Variants in GSTM4 observed in about 807,000 individuals in gnomAD.
GSTM4 encodes the protein GST class-mu 4.
GSTM4 carries 27 observed loss-of-function variants against 30.1 expected under a neutral mutation model. The observed-to-expected ratio is 0.90, with a 90% confidence interval of 0.66 to 1.24. The LOEUF (loss-of-function observed/expected upper bound fraction) is 1.24, where lower values mean the gene tolerates loss of function less well. GSTM4 is among the 50% of genes most tolerant of loss of function. The probability of loss-of-function intolerance (pLI) is 0.00; values close to 1 mark genes in which losing one functional copy is unlikely to be tolerated. For synonymous variants in GSTM4, 94 were observed against 96.2 expected, an observed-to-expected ratio of 0.98 and a Z score of 0.13; for missense variants, 238 against 272.1, an observed-to-expected ratio of 0.87 and a Z score of 0.88.
At chr1:109,659,373 A>G (rs1652194874) in intron 7 of GSTM4, 1 of 1,479,726 alleles carries the variant, frequency 6.8e-7, no homozygotes. Context: ...TGGGTCCCAG[A>G]GCCAGTGGAG....
At chr1:109,656,460 G>A (rs199539254) in intron 1 of GSTM4, 35 bp downstream of exon 1, 1 of 1,612,944 alleles carries the variant, frequency 6.2e-7, no homozygotes, top group Non-Finnish European at 8.5e-7. Context: ...GGGACCGGGC[G>A]CGTGGGCGGG....
Position 109,657,591 on chromosome 1 carries a change from T to C in GSTM4, c.179T>C (p.Leu60Pro), listed in dbSNP as rs1028937864. Reference sequence around the variant, plus strand: ...TTCCCCGGTTTCCCATCTATCCAGCTGCCCTACTTGATTGATGGGGCTCAC... The same window carrying C: ...TTCCCCGGTTTCCCATCTATCCAGCCGCCCTACTTGATTGATGGGGCTCAC... ...KFKLGLDFPN[L>P]PYLIDGAHKI... The change falls in exon 4 of 8, where the codon CTG becomes CCG. Residue 60 changes from leucine (L) to proline (P), a missense_variant and splice_region_variant. Transcript: ENST00000369836. The C allele has an allele frequency of 1.9e-6, 3 of 1,614,132 alleles. No individual in the cohort carries two copies. Among genetic ancestry groups the C allele is most frequent in the Admixed American group, 1.7e-5 (1 of 60,010 alleles).
intron 7 of GSTM4, chr1:109,659,433 G>A: frequency 7.5e-7 from 1 of 1,340,376 alleles, no homozygotes; most frequent in Non-Finnish European, 9.9e-7. Context: ...GGCAGTCAGG[G>A]CTCTCCCTTT....
downstream of GSTM4, chr1:109,665,426 A>G (rs1647283891): frequency 4.6e-6 from 1 of 219,466 alleles, no homozygotes; most frequent in African/African-American, 2.3e-5. Flanking sequence ...GGACTTCTTC[A>G]CTCCAAAATT....
chr1:109,665,171 A>G (rs1647275633), downstream of GSTM4: 1 of 717,842 alleles, frequency 1.4e-6, no homozygotes, highest in East Asian at 2.6e-5. Context: ...GCAATGAAGG[A>G]GGCATCCACC....
At chr1:109,667,222 A>C (rs1400813225), downstream of GSTM4, among the ~76,000 whole-genome samples, 1 of 151,410 alleles carries the variant, frequency 6.6e-6, no homozygotes, top group Non-Finnish European at 1.5e-5. Flanking sequence ...ATCATAATAT[A>C]ACTCATGTAG....
chr1:109,663,436 G>A (rs1217203320), downstream of GSTM4, among the ~76,000 whole-genome samples: 2 of 152,146 alleles, frequency 1.3e-5, no homozygotes, highest in Non-Finnish European at 2.9e-5. Context: ...GGGAGGCCGA[G>A]GCGTGTGGAT....
downstream of GSTM4, among the ~76,000 whole-genome samples, chr1:109,662,739 T>C (rs1004988502): frequency 6.6e-6 from 1 of 152,238 alleles, no homozygotes; most frequent in African/African-American, 2.4e-5. Context: ...TTGAAAGGAC[T>C]GACAATTGCT....
At chr1:109,658,687 C>T in intron 5 of GSTM4, 127 bp from the exon 6 acceptor site, 1 of 734,816 alleles carries the variant, frequency 1.4e-6, no homozygotes, top group Non-Finnish European at 2.5e-6. Context: ...CCAGCTGAAG[C>T]CAGTTCCAGC....
downstream of GSTM4, among the ~76,000 whole-genome samples, chr1:109,666,713 A>T (rs926357474): frequency 6.6e-6 from 1 of 151,532 alleles, no homozygotes; most frequent in Non-Finnish European, 1.5e-5. Flanking sequence ...GCAACTTTTG[A>T]CCCATTCCTG....
chr1:109,659,337 T>C (rs1489272190), intron 7 of GSTM4: 23 of 1,522,400 alleles, frequency 1.5e-5, no homozygotes, highest in Non-Finnish European at 1.9e-5. Flanking sequence ...AAGAAAACTT[T>C]GAATGAGAGG....
At chr1:109,659,694 A>G (rs754075222) in intron 7 of GSTM4, 25 of 389,604 alleles carry the variant, frequency 6.4e-5, no homozygotes, top group Non-Finnish European at 1.1e-4. Context: ...ATTAGGGTAC[A>G]TATGTGGGTG....
At position 109,656,430 on chromosome 1, in the gene GSTM4, G is replaced by A. The variant is rs755043493; in HGVS notation, c.36+5G>A. 2.5e-5 allele frequency: 40 copies of A among 1,613,956 alleles called. No homozygotes were observed. In the South Asian group the frequency reaches 2.5e-4, roughly 10 times the overall value. ...GGGTACTGGGACATCCGCGGGGTGA[G>A]TGAGGGTCCGCTGCACTGTGGGACC... On this transcript the variant is annotated splice_donor_5th_base_variant and intron_variant, in intron 1 of 7. Transcript: ENST00000369836.
At chr1:109,658,082 G>C (rs1199842614) in intron 5 of GSTM4, 1 of 578,964 alleles carries the variant, frequency 1.7e-6, no homozygotes, top group African/African-American at 1.9e-5. Flanking sequence ...TAGCAATTCA[G>C]TTCCTAGACA....
downstream of GSTM4, among the ~76,000 whole-genome samples, chr1:109,664,833 C>G (rs758069920): frequency 3.3e-4 from 50 of 152,032 alleles, no homozygotes; most frequent in Non-Finnish European, 2.4e-4. Context: ...ATGTTTCTGC[C>G]AATGAATCAC....
At chr1:109,664,165 T>A (rs1052116675), downstream of GSTM4, among the ~76,000 whole-genome samples, 10 of 152,106 alleles carry the variant, frequency 6.6e-5, no homozygotes, top group Non-Finnish European at 1.5e-4. Context: ...CTATTGGGCA[T>A]GTGGATTTTT....
At position 109,657,157 on chromosome 1, in the gene GSTM4, C is replaced by G. The variant is rs1163968140; in HGVS notation, c.113-58C>G. 31 of 1,591,538 alleles carry G rather than the reference C, an allele frequency of 1.9e-5. No individual in the cohort carries two copies. The South Asian group carries it at 2.8e-4, about 14-fold the overall frequency. On this transcript the variant is annotated intron_variant, in intron 2 of 7. Transcript: ENST00000369836. The stretch of plus-strand genomic sequence containing the variant: ...GCCACTGGTTCCTTGGGAGGGTCCC[C>G]GGGAAGGAGGGCTGGGCTCTGGGGA...
In GSTM4 at chr1:109,656,308, C is replaced by A; in HGVS notation, c.-82C>A. 7.3e-7 allele frequency: 1 copy of A among 1,367,278 alleles called. No homozygotes were observed. Among genetic ancestry groups the A allele is most frequent in the Non-Finnish European group, 1.0e-6 (1 of 955,272 alleles). The allele number at this position is 1,367,278 out of a possible 1,614,324, so 84.7% of individuals were successfully genotyped here. A position where few individuals can be genotyped will look rare whatever the true frequency, so the allele number is the denominator to read the frequency against. On this transcript the variant is annotated 5_prime_UTR_variant, in exon 1 of 8. Transcript: ENST00000369836. ...GGGGCGGGTCTGGCGCTAGGTCCAG[C>A]CCCTGCGTGCCGGGAACCCCAGAGG...
intron 7 of GSTM4, chr1:109,659,349 T>C: frequency 6.6e-7 from 1 of 1,508,744 alleles, no homozygotes; most frequent in Non-Finnish European, 8.9e-7. Context: ...AATGAGAGGG[T>C]CAGTCCTTTG....
Sources: gnomAD v4.1 joint callset for allele counts (sites outside exome capture counted in the v4.1 genomes callset) on GRCh38, gnomAD v4.1.1 for gene constraint, MANE v1.5 for transcripts, NCBI Gene and HGNC (gene_info 2026-07-23, HGNC 2026-07-21) for gene names.